FOXP2: variants seen among roughly 807,000 people sequenced by gnomAD.
FOXP2 encodes the protein forkhead box protein P2.
A neutral mutation model predicts 115.8 loss-of-function variants in FOXP2; 12 were observed. The observed-to-expected ratio is 0.10, with a 90% confidence interval of 0.07 to 0.17. The LOEUF is 0.17. Among genes scored for constraint, FOXP2 ranks in the 10% least tolerant of loss-of-function variants. The pLI is 1.00. For missense variants in FOXP2, 629 were observed against 843.5 expected, an observed-to-expected ratio of 0.75 and a Z score of 3.15; for synonymous variants, 328 against 297.7, an observed-to-expected ratio of 1.10 and a Z score of -1.05.
At chr7:114,330,361 G>A (rs1054603079) in intron 2 of FOXP2, among the ~76,000 whole-genome samples, 5 of 151,686 alleles carry the variant, frequency 3.3e-5, no homozygotes, top group East Asian at 1.9e-4. Context: ...GGCTGGGTAC[G>A]GTGGCTCACG....
intron 3 of FOXP2, among the ~76,000 whole-genome samples, chr7:114,560,684 A>G (rs1256104376): frequency 4.6e-5 from 7 of 152,230 alleles, no homozygotes. Context: ...TAAGTTTGCA[A>G]ACAATGAAAA....
intron 3 of FOXP2, among the ~76,000 whole-genome samples, chr7:114,622,420 T>A (rs760134574): frequency 6.6e-6 from 1 of 152,020 alleles, no homozygotes; most frequent in African/African-American, 2.4e-5. Flanking sequence ...CAGCGAAGAA[T>A]AAGAACCAGG....
intron 3 of FOXP2, among the ~76,000 whole-genome samples, chr7:114,593,109 T>TA (rs1176910100): frequency 2.0e-5 from 3 of 152,042 alleles, no homozygotes; most frequent in East Asian, 1.9e-4. Flanking sequence ...AGTTGTTTTT[T>TA]AAAAAAAGAA....
intron 2 of FOXP2, chr7:114,463,243 G>A (rs1795658537): frequency 4.6e-6 from 1 of 216,094 alleles, no homozygotes; most frequent in African/African-American, 2.4e-5. Flanking sequence ...ATTAGTATAT[G>A]TAGAAATTTC....
chr7:114,121,616 G>C (rs947512755), intron 1 of FOXP2, among the ~76,000 whole-genome samples: 2 of 152,014 alleles, frequency 1.3e-5, no homozygotes, highest in African/African-American at 4.8e-5. Context: ...ATGTCTGTAC[G>C]ACTGCATTCA....
chr7:114,271,302 C>G (rs1300480075), intron 1 of FOXP2, among the ~76,000 whole-genome samples: 1 of 150,492 alleles, frequency 6.6e-6, no homozygotes, highest in Non-Finnish European at 1.5e-5. Context: ...TTTGCTAGAA[C>G]TTCCAATAAA....
rs575572577 is a variant in FOXP2, at chr7:114,683,712, C to T, written c.2004-6070C>T. ...GGTAGAAGGATGTTCCATGTATACA[C>T]GGAGAGTTGAAAGGGGAAACACAGC... On this transcript the variant is annotated intron_variant, in intron 16 of 16. Transcript: ENST00000350908. 2.4e-4 allele frequency among the ~76,000 whole-genome samples: 36 copies of T among 152,136 alleles called. No individual in the cohort carries two copies. The South Asian group carries it at 6.2e-3, about 26-fold the overall frequency.
intron 2 of FOXP2, among the ~76,000 whole-genome samples, chr7:114,302,718 C>T (rs1330902013): frequency 2.0e-4 from 31 of 152,070 alleles, no homozygotes; most frequent in Admixed American, 2.0e-3. Flanking sequence ...ATAGAATAAT[C>T]ATTCCATAAA....
At chr7:114,174,035 T>G (rs1390174626) in intron 1 of FOXP2, among the ~76,000 whole-genome samples, 1 of 152,018 alleles carries the variant, frequency 6.6e-6, no homozygotes, top group East Asian at 1.9e-4. Context: ...ATATAAAATT[T>G]AAATGATCAA....
intron 1 of FOXP2, among the ~76,000 whole-genome samples, chr7:114,240,946 A>G (rs964477504): frequency 3.9e-5 from 6 of 152,028 alleles, no homozygotes; most frequent in African/African-American, 1.2e-4. Flanking sequence ...TGAGTTGTTG[A>G]TAACACTTTT....
At chr7:114,469,515 T>C (rs1240722329) in intron 2 of FOXP2, among the ~76,000 whole-genome samples, 2 of 152,202 alleles carry the variant, frequency 1.3e-5, no homozygotes, top group African/African-American at 4.8e-5. Context: ...AAAAAGTTTA[T>C]ATTTTAGTTG....
chr7:114,145,429 A>ATTTTTTC (rs67153347), intron 1 of FOXP2, among the ~76,000 whole-genome samples: 13,162 of 103,386 alleles, frequency 0.13, 1,862 homozygotes, highest in South Asian at 0.15. Flanking sequence ...TAGCTTTGCC[A>ATTTTTTC]TTTTTTCTTT....
At position 114,166,916 on chromosome 7, in the gene FOXP2, T is replaced by C. The variant is rs531905928; in HGVS notation, c.-102+3828T>C. On this transcript the variant is annotated intron_variant, in intron 1 of 17. Coordinates refer to the FOXP2 transcript ENST00000634411. ...GAATGGCAAAAATCCAAAACACTGA[T>C]AACACCAAATGATGGTGAGGATGTG... 3.3e-5 allele frequency among the ~76,000 whole-genome samples: 5 copies of C among 152,252 alleles called. No homozygotes were observed. The South Asian group carries it at 1.0e-3, about 32-fold the overall frequency.
intron 2 of FOXP2, chr7:114,463,140 G>C (rs903953158): frequency 5.1e-6 from 2 of 388,826 alleles, no homozygotes; most frequent in South Asian, 1.9e-5. Flanking sequence ...GCAGTCCTCC[G>C]ACCTCAGCCT....
chr7:114,378,409 T>C (rs1346024433), intron 2 of FOXP2, among the ~76,000 whole-genome samples: 1 of 151,938 alleles, frequency 6.6e-6, no homozygotes, highest in African/African-American at 2.4e-5. Flanking sequence ...AGCTACCAGG[T>C]GCTGTGACTC....
chr7:114,253,991 G>T (rs1208804597), intron 1 of FOXP2, among the ~76,000 whole-genome samples: 1 of 152,156 alleles, frequency 6.6e-6, no homozygotes, highest in African/African-American at 2.4e-5. Context: ...AGGCCTGATG[G>T]TGACAAAATC....
At chr7:114,166,578 G>T (rs1792988616) in intron 1 of FOXP2, among the ~76,000 whole-genome samples, 1 of 152,078 alleles carries the variant, frequency 6.6e-6, no homozygotes, top group Admixed American at 6.6e-5. Context: ...GGTGGCATGT[G>T]CCTGTAGCCC....
At chr7:114,629,512 G>C (rs1403658234) in intron 4 of FOXP2, 8 of 1,204,794 alleles carry the variant, frequency 6.6e-6, no homozygotes, top group Non-Finnish European at 9.4e-6. Context: ...TGTGTCAGTA[G>C]GACTTCAGAT....
At chr7:114,618,440 A>G (rs1191508273) in intron 3 of FOXP2, among the ~76,000 whole-genome samples, 1 of 152,192 alleles carries the variant, frequency 6.6e-6, no homozygotes, top group Non-Finnish European at 1.5e-5. Context: ...TTGAAACCTA[A>G]TAATTAGTAC....
Sources: allele counts gnomAD v4.1 joint callset (sites outside exome capture counted in the v4.1 genomes callset), GRCh38; gene constraint gnomAD v4.1.1; transcripts MANE v1.5; gene names NCBI Gene and HGNC (gene_info 2026-07-23, HGNC 2026-07-21).